The following LGSN variants were observed in gnomAD, a reference collection of about 807,000 sequenced individuals.
LGSN encodes the protein lengsin.
In LGSN, 21 loss-of-function variants were observed where a neutral mutation model predicts 19.5. The ratio of observed to expected loss-of-function variants is 1.07; its 90% confidence interval spans 0.76 to 1.55. The LOEUF is 1.55. Among genes scored for constraint, LGSN ranks in the 40% most tolerant of loss-of-function variants. The pLI, the probability that LGSN is intolerant of heterozygous loss-of-function variation, is 0.00. For missense variants in LGSN, 673 were observed against 608.5 expected, an observed-to-expected ratio of 1.11 and a Z score of -1.12; for synonymous variants, 257 against 215.6, an observed-to-expected ratio of 1.19 and a Z score of -1.68.
At chr6:63,538,290 A>G in the LGSN span, among the ~76,000 whole-genome samples, 1 of 152,220 alleles carries the variant, frequency 6.6e-6, no homozygotes, top group Non-Finnish European at 1.5e-5. Flanking sequence ...TAGTTTCTCT[A>G]GCAACAAGAT....
At chr6:63,442,425 G>A in the LGSN span, among the ~76,000 whole-genome samples, 8 of 150,786 alleles carry the variant, frequency 5.3e-5, no homozygotes, top group Non-Finnish European at 8.9e-5. Context: ...CCATTTTACA[G>A]AGAGCTGATT....
At chr6:63,438,630 A>C in the LGSN span, among the ~76,000 whole-genome samples, 2 of 152,164 alleles carry the variant, frequency 1.3e-5, no homozygotes, top group South Asian at 4.1e-4. Flanking sequence ...GCCATCAGAG[A>C]AATGCAAATC....
rs775641248 is a variant in LGSN, at chr6:63,280,788, C to G, written c.763G>C (p.Glu255Gln). 1 of 1,613,992 alleles carries G rather than the reference C, an allele frequency of 6.2e-7. No homozygotes were observed. The highest frequency in any genetic ancestry group is 8.5e-7 in the Non-Finnish European group (1 of 1,180,000). Residue 255 changes from glutamate to glutamine, a missense_variant, in exon 4 of 4, where the codon GAG (glutamate) becomes CAG (glutamine). Physicochemically the swap from Glu to Gln is conservative, Grantham distance 29. Transcript: ENST00000370657. ...DGLYHTGANV[E>Q]SFSSSTRPGQ... ...GGCCTGGTAGAGGAGGAAAAACTCT[C>G]GACATTGGCTCCAGTGTGATACAAG...
chr6:63,439,537 T>A, the LGSN span, among the ~76,000 whole-genome samples: 1 of 151,842 alleles, frequency 6.6e-6, no homozygotes, highest in Non-Finnish European at 1.5e-5. Flanking sequence ...AAAATTTTTT[T>A]AAATTTCATG....
the LGSN span, among the ~76,000 whole-genome samples, chr6:63,546,898 G>A: frequency 1.4e-4 from 22 of 152,002 alleles, no homozygotes; most frequent in South Asian, 1.5e-3. Flanking sequence ...TATGTATTTC[G>A]CAATGTGTAG....
At chr6:63,551,484 T>C in the LGSN span, among the ~76,000 whole-genome samples, 4 of 152,210 alleles carry the variant, frequency 2.6e-5, no homozygotes, top group African/African-American at 7.2e-5. Flanking sequence ...TTTCCAGGCT[T>C]TTTTCCTATG....
the LGSN span, among the ~76,000 whole-genome samples, chr6:63,406,069 A>G: frequency 2.0e-5 from 3 of 152,138 alleles, no homozygotes; most frequent in African/African-American, 4.8e-5. Flanking sequence ...CTCCCACACA[A>G]TAATAATGGG....
chr6:63,289,492 G>C (rs1414640518), intron 2 of LGSN, among the ~76,000 whole-genome samples: 1 of 151,966 alleles, frequency 6.6e-6, no homozygotes, highest in Non-Finnish European at 1.5e-5. Flanking sequence ...GAGCTCATTT[G>C]TTTTTCCTAC....
chr6:63,302,867 C>T (rs1768239114), intron 1 of LGSN, among the ~76,000 whole-genome samples: 2 of 152,190 alleles, frequency 1.3e-5, no homozygotes. Context: ...TGGCTTTCGC[C>T]TGTAATCTCA....
the LGSN span, among the ~76,000 whole-genome samples, chr6:63,492,081 T>C: frequency 6.6e-6 from 1 of 152,162 alleles, no homozygotes; most frequent in Non-Finnish European, 1.5e-5. Context: ...CTGGTTCTAC[T>C]TCAAATTATA....
At chr6:63,355,603 CT>C in the LGSN span, among the ~76,000 whole-genome samples, 2 of 152,164 alleles carry the variant, frequency 1.3e-5, no homozygotes, top group Non-Finnish European at 2.9e-5. Context: ...CTTTCCTGGC[CT>C]TTCTCTCGCT....
intron 1 of LGSN, among the ~76,000 whole-genome samples, chr6:63,306,141 A>T (rs76775623): frequency 0.033 from 4,957 of 152,274 alleles, 267 homozygotes; most frequent in African/African-American, 0.11. Context: ...CCATATCCAG[A>T]CAATATTTTA....
At chr6:63,499,684 AC>A in the LGSN span, among the ~76,000 whole-genome samples, 2 of 152,038 alleles carry the variant, frequency 1.3e-5, no homozygotes, top group African/African-American at 4.8e-5. Context: ...CACCTATGGA[AC>A]ACCTGATAAT....
At chr6:63,495,825 G>A in the LGSN span, among the ~76,000 whole-genome samples, 22 of 151,968 alleles carry the variant, frequency 1.4e-4, 2 homozygotes, top group African/African-American at 4.8e-4. Context: ...CATAAGCCTG[G>A]AAAAAATGCA....
At chr6:63,567,579 A>T in the LGSN span, among the ~76,000 whole-genome samples, 1 of 152,246 alleles carries the variant, frequency 6.6e-6, no homozygotes, top group African/African-American at 2.4e-5. Context: ...TATAGAGCAC[A>T]GCAGAGTAGA....
At chr6:63,412,705 AAGAG>A in the LGSN span, among the ~76,000 whole-genome samples, 12 of 121,756 alleles carry the variant, frequency 9.9e-5, no homozygotes, top group African/African-American at 4.5e-4. Flanking sequence ...GAAAGAAAGA[AAGAG>A]GGAAGGAAGG....
chr6:63,426,891 T>G, the LGSN span, among the ~76,000 whole-genome samples: 1 of 152,156 alleles, frequency 6.6e-6, no homozygotes, highest in Non-Finnish European at 1.5e-5. Flanking sequence ...TGAATGACTG[T>G]GGCATAAAAC....
At chr6:63,374,526 T>A in the LGSN span, among the ~76,000 whole-genome samples, 28 of 152,348 alleles carry the variant, frequency 1.8e-4, no homozygotes, top group African/African-American at 6.3e-4. Flanking sequence ...CTTAGGATCA[T>A]AAACACATTT....
Position 63,280,143 on chromosome 6 carries a change from G to C in LGSN, c.1408C>G (p.Gln470Glu), listed in dbSNP as rs751549413. 3 of 1,614,232 alleles carry C rather than the reference G, an allele frequency of 1.9e-6. No individual in the cohort carries two copies. Among genetic ancestry groups the C allele is most frequent in the Non-Finnish European group, 2.5e-6 (3 of 1,180,046 alleles). The change falls in exon 4 of 4, where the codon CAA becomes GAA. Residue 470 changes from glutamine to glutamate, a missense_variant. Coordinates refer to ENST00000370657, the MANE Select transcript of LGSN (RefSeq NM_016571.3). ...TCTCCTAGAGCCTGTCTCAGGCATTGATCTTCTTCCAGTGCCACAAGGGCA... is the reference window on the plus strand; with the variant it reads ...TCTCCTAGAGCCTGTCTCAGGCATTCATCTTCTTCCAGTGCCACAAGGGCA... ...EDALVALEED[Q>E]CLRQALGETF...
Sources: gnomAD v4.1 joint callset for allele counts (sites outside exome capture counted in the v4.1 genomes callset) on GRCh38, gnomAD v4.1.1 for gene constraint, MANE v1.5 for transcripts, NCBI Gene and HGNC (gene_info 2026-07-23, HGNC 2026-07-21) for gene names.